SPTBN2: variants seen among roughly 807,000 people sequenced by gnomAD.
SPTBN2 encodes the protein spectrin beta, non-erythrocytic 2.
A neutral mutation model predicts 284.2 loss-of-function variants in SPTBN2; 107 were observed. That is an observed-to-expected ratio of 0.38 (90% CI 0.32 to 0.44). The LOEUF is 0.44. Ranked by LOEUF, SPTBN2 falls within the 20% of genes least tolerant of loss-of-function variation. The pLI, the probability that SPTBN2 is intolerant of heterozygous loss-of-function variation, is 1.00. For missense variants in SPTBN2, 2,569 were observed against 3,287.1 expected (o/e 0.78, Z 5.34); for synonymous variants, 1,289 against 1,354.8 (o/e 0.95, Z 1.07).
In SPTBN2 at chr11:66,698,982, G is replaced by A. The variant is rs376090301; in HGVS notation, c.3867+10C>T. The A allele has an allele frequency of 3.0e-5, 49 of 1,614,040 alleles. 1 individual carries two copies. The highest frequency in any genetic ancestry group is 4.0e-5 in the Non-Finnish European group (47 of 1,180,042). ...GCTAGGGAATATCCCGGGGCCCCAGGGAGCCTCACCTCGTGACAATCTTGC... is the reference window on the plus strand; with the variant it reads ...GCTAGGGAATATCCCGGGGCCCCAGAGAGCCTCACCTCGTGACAATCTTGC... On this transcript the variant is annotated intron_variant, in intron 19 of 37. Coordinates refer to ENST00000533211, the MANE Select transcript of SPTBN2 (RefSeq NM_006946.4).
Position 66,708,036 on chromosome 11 carries a change from C to T in SPTBN2, c.1350+105G>A, listed in dbSNP as rs1941659006. ...CCTCTAGGCCTTTTTACCCAGGTGACGGATTTTGTGTTTCATTGTCTCTCC... is the reference window on the plus strand; with the variant it reads ...CCTCTAGGCCTTTTTACCCAGGTGATGGATTTTGTGTTTCATTGTCTCTCC... On this transcript the variant is annotated intron_variant, in intron 12 of 37. Transcript: ENST00000533211. The surrounding 1 kb of genome is among the most constrained non-coding windows in gnomAD (Gnocchi z 4.4). 7 of 1,567,684 alleles carry T rather than the reference C, an allele frequency of 4.5e-6. No homozygotes were observed. The East Asian group carries it at 6.8e-5, about 15-fold the overall frequency.
At position 66,715,128 on chromosome 11, in the gene SPTBN2, T is replaced by C. The variant is rs747907150; in HGVS notation, c.483+94A>G. ...GCTACATAAGGTTCTAGATCCTCCA[T>C]CTTTGTGTTTGTTGTGTCATGGGCC... On this transcript the variant is annotated intron_variant, in intron 5 of 37. Coordinates refer to ENST00000533211, the MANE Select transcript of SPTBN2 (RefSeq NM_006946.4). This position sits in a 1 kb window ranked among gnomAD's most constrained non-coding sequence, Gnocchi z 5.3. 5.3e-6 allele frequency: 8 copies of C among 1,514,732 alleles called. No homozygotes were observed. Among genetic ancestry groups the C allele is most frequent in the Non-Finnish European group, 7.3e-6 (8 of 1,095,206 alleles). 93.8% of individuals were successfully genotyped at this position (1,514,732 alleles called of 1,614,324 possible).
At position 66,699,055 on chromosome 11, in the gene SPTBN2, C is replaced by T. The variant is rs143537378; in HGVS notation, c.3804G>A (p.Gln1268=). The change falls in exon 19 of 38, where the codon CAG becomes CAA. Residue 1268 remains glutamine (Q), a synonymous_variant. Transcript: ENST00000533211. Reference sequence around the variant, plus strand: ...TGTCCCGAAGACGGCCCAGAAATTGCTGCGCTGCGTCTTGATTCTTCTTGT... The same window carrying T: ...TGTCCCGAAGACGGCCCAGAAATTGTTGCGCTGCGTCTTGATTCTTCTTGT... The part of the protein sequence containing the change: ...RRHKKNQDAA[Q]QFLGRLRDNR... 255 of 1,614,116 alleles carry T rather than the reference C, an allele frequency of 1.6e-4. No homozygotes were observed. Among genetic ancestry groups the T allele is most frequent in the Non-Finnish European group, 2.0e-4 (239 of 1,180,054 alleles).
chr11:66,709,803 C>T (rs1258185068), intron 10 of SPTBN2, among the ~76,000 whole-genome samples: 1 of 152,196 alleles, frequency 6.6e-6, no homozygotes, highest in Non-Finnish European at 1.5e-5. Context: ...TTGGCAGGTA[C>T]TGAACAGAAT....
rs756184596 is a variant in SPTBN2 at position 66,693,212 on chromosome 11, G to A, written c.4828C>T (p.His1610Tyr). The change falls in exon 24 of 38, where the codon CAC becomes TAC. Residue 1610 changes from histidine to tyrosine, a missense_variant. Physicochemically the swap from His to Tyr is moderately conservative, Grantham distance 83 (BLOSUM62 2). Transcript: ENST00000533211. This position sits in a 1 kb window ranked among gnomAD's most constrained non-coding sequence, Gnocchi z 5.7. ...AEAWMGEQEL[H>Y]MMGQEKAKDE... ...TTGGCCTTCTCCTGGCCCATCATGT[G>A]TAATTCCTGCTCGCCCATCCAGGCC... The A allele has an allele frequency of 1.2e-5, 20 of 1,614,110 alleles. No homozygotes were observed. The highest frequency in any genetic ancestry group is 1.6e-5 in the Non-Finnish European group (19 of 1,180,052).
chr11:66,687,201 A>G lies in SPTBN2; in HGVS notation c.6723-34T>C. 6.2e-7 allele frequency: 1 copy of G among 1,611,834 alleles called. No homozygotes were observed. Among genetic ancestry groups the G allele is most frequent in the Non-Finnish European group, 8.5e-7 (1 of 1,179,726 alleles). ...GACGCGGTGCTGACTGGCCGGCCTC[A>G]GTGGCGCCCGCAACCTGGAGCCCTC... On this transcript the variant is annotated intron_variant, in intron 35 of 37. Coordinates refer to ENST00000533211, the MANE Select transcript of SPTBN2 (RefSeq NM_006946.4). This position sits in a 1 kb window ranked among gnomAD's most constrained non-coding sequence, Gnocchi z 5.2.
intron 17 of SPTBN2, among the ~76,000 whole-genome samples, chr11:66,699,861 T>C (rs1279778442): frequency 6.6e-6 from 1 of 152,248 alleles, no homozygotes; most frequent in East Asian, 1.9e-4. Context: ...CCTGATTCCA[T>C]TTAACAGTTA....
chr11:66,686,025 G>A lies in SPTBN2; in HGVS notation c.7019C>T (p.Pro2340Leu), dbSNP rs528996567. The A allele has an allele frequency of 2.7e-5, 43 of 1,613,662 alleles. No homozygotes were observed. Among genetic ancestry groups the A allele is most frequent in the Middle Eastern group, 1.7e-4 (1 of 6,024 alleles). Reference protein sequence around the residue: ...ASSASGEPEEPVVPSTTRGMT... With the variant: ...ASSASGEPEELVVPSTTRGMT... Reference sequence around the variant, plus strand: ...GCCCCGGGTGGTGCTGGGCACCACCGGCTCTTCAGGCTCTCCAGAGGCAGA... The same window carrying A: ...GCCCCGGGTGGTGCTGGGCACCACCAGCTCTTCAGGCTCTCCAGAGGCAGA... The change falls in exon 38 of 38, where the codon CCG becomes CTG. Residue 2340 changes from proline to leucine, a missense_variant. Pro to Leu is a moderately conservative substitution (Grantham distance 98). Around this residue, in one of 6 missense-constraint regions of SPTBN2, gnomAD observed 1,130 missense variants for 1,317.3 expected, o/e 0.86. Transcript: ENST00000533211.
rs942895267 is a variant in SPTBN2, at chr11:66,718,218, A to C, written c.158-2237T>G. ...GTCACACCCACCCATGCCATCATAC[A>C]CGGTCCCTGCCAGCAGGTCCAAGCC... On this transcript the variant is annotated intron_variant, in intron 3 of 37. Transcript: ENST00000533211. This position sits in a 1 kb window ranked among gnomAD's most constrained non-coding sequence, Gnocchi z 4.8. Among the ~76,000 whole-genome samples the C allele has an allele frequency of 1.3e-5, 2 of 152,156 alleles. No individual in the cohort carries two copies. Among genetic ancestry groups the C allele is most frequent in the African/African-American group, 4.8e-5 (2 of 41,432 alleles).
chr11:66,703,978 T>C (rs1487216397), intron 15 of SPTBN2, among the ~76,000 whole-genome samples: 18 of 145,506 alleles, frequency 1.2e-4, no homozygotes, highest in East Asian at 4.0e-4. Context: ...TTTTCTTTTT[T>C]TTTTTTTTTT....
intron 30 of SPTBN2, 98 bp from the exon 31 acceptor site, chr11:66,688,947 G>A (rs1940343496): frequency 6.6e-7 from 1 of 1,517,832 alleles, no homozygotes; most frequent in African/African-American, 1.4e-5. Context: ...CACAGAGAAA[G>A]CCACTGCCCC....
Position 66,715,371 on chromosome 11 carries a change from G to T in SPTBN2, c.334C>A (p.Arg112=). 2 of 1,613,862 alleles carry T rather than the reference G, an allele frequency of 1.2e-6. No individual in the cohort carries two copies. The highest frequency in any genetic ancestry group is 1.7e-6 in the Non-Finnish European group (2 of 1,179,730). ...TCCACGTTCTCCAGGCAGTGGATCC[G>T]CATGCGGCCCTTTGTAGGCTTTGGC... is the stretch of plus-strand genomic sequence containing the variant. The part of the protein sequence containing the change: ...ILPKPTKGRM[R]IHCLENVDKA... Residue 112 remains arginine, a synonymous_variant, in exon 5 of 38, where the codon CGG becomes AGG. Transcript: ENST00000533211. The surrounding 1 kb of genome is among the most constrained non-coding windows in gnomAD (Gnocchi z 5.3).
chr11:66,683,063 A>AT lies in SPTBN2; in HGVS notation c.*2807dup, dbSNP rs55950324. 0.9 allele frequency among the ~76,000 whole-genome samples: 86,753 copies of AT among 95,946 alleles called. 40,123 individuals carry two copies. The highest frequency in any genetic ancestry group is 0.96 in the South Asian group (2,678 of 2,778). The allele number at this position is 95,946 out of a possible 152,430, so 62.9% of individuals were successfully genotyped here. Reference sequence around the variant, plus strand: ...ACCACCATGCCTGGCCAAGTAATCCATTTTTTTTTTTTTTTTTTTTTTGAG... The same window carrying AT: ...ACCACCATGCCTGGCCAAGTAATCCATTTTTTTTTTTTTTTTTTTTTTTGAG... On this transcript the variant is annotated 3_prime_UTR_variant, in exon 38 of 38. Coordinates refer to ENST00000533211, the MANE Select transcript of SPTBN2 (RefSeq NM_006946.4).
chr11:66,727,155 T>C (rs1359920873), intron 1 of SPTBN2, among the ~76,000 whole-genome samples: 1 of 152,188 alleles, frequency 6.6e-6, no homozygotes, highest in Non-Finnish European at 1.5e-5. Flanking sequence ...GAATGTAAAC[T>C]CCATCCTATC....
intron 36 of SPTBN2, 88 bp from the exon 37 acceptor site, chr11:66,686,528 C>T: frequency 7.0e-7 from 1 of 1,424,110 alleles, no homozygotes; most frequent in Non-Finnish European, 9.9e-7. Flanking sequence ...GACCCAACAC[C>T]AGGCTGGGAC....
At chr11:66,698,491 T>G (rs1211611827) in intron 20 of SPTBN2, 148 bp downstream of exon 20, 31 of 1,184,388 alleles carry the variant, frequency 2.6e-5, no homozygotes, top group Non-Finnish European at 3.4e-5. Context: ...AAGACGTTTG[T>G]TTCCCAGAGG....
chr11:66,744,564 C>T (rs983864549), exon 1 of SPTBN2: 8 of 206,260 alleles, frequency 3.9e-5, no homozygotes, highest in African/African-American at 1.9e-4. Context: ...CCGCCTCTCG[C>T]GGGCTCTTCC....
intron 29 of SPTBN2, 103 bp from the exon 30 acceptor site, chr11:66,689,283 C>CT (rs879680949): frequency 6.5e-5 from 72 of 1,107,310 alleles, no homozygotes; most frequent in Middle Eastern, 2.1e-4. Flanking sequence ...TTCTTTCTTT[C>CT]TTTTTTTTGA....
intron 8 of SPTBN2, 93 bp downstream of exon 8, chr11:66,713,538 C>T (rs1023849462): frequency 4.3e-6 from 4 of 936,482 alleles, no homozygotes; most frequent in African/African-American, 1.6e-5. Flanking sequence ...TTGGTGGTTA[C>T]TCCATGTCTT....
Sources: gnomAD v4.1 joint callset for allele counts (sites outside exome capture counted in the v4.1 genomes callset) on GRCh38, gnomAD v4.1.1 for gene constraint, gnomAD v4.1.1 regional missense constraint, Gnocchi (gnomAD v3.1) non-coding constraint, MANE v1.5 for transcripts, NCBI Gene and HGNC (gene_info 2026-07-23, HGNC 2026-07-21) for gene names.